The following EPM2A variants were observed in gnomAD, a reference collection of about 807,000 sequenced individuals.
EPM2A encodes laforin.
Under a neutral mutation model 26.5 loss-of-function variants are expected in EPM2A, and 21 were observed. The ratio of observed to expected loss-of-function variants is 0.79; its 90% confidence interval spans 0.56 to 1.14. The LOEUF (loss-of-function observed/expected upper bound fraction) is 1.14, where lower values mean the gene tolerates loss of function less well. Ranked by LOEUF, EPM2A falls within the 50% of genes most tolerant of loss-of-function variation. EPM2A has a pLI of 0.00. For synonymous variants in EPM2A, 217 were observed against 177.6 expected, an observed-to-expected ratio of 1.22 and a Z score of -1.76; for missense variants, 458 against 440.8, an observed-to-expected ratio of 1.04 and a Z score of -0.35.
intron 2 of EPM2A, among the ~76,000 whole-genome samples, chr6:145,525,943 CTT>C (rs1487341528): frequency 6.6e-6 from 1 of 151,980 alleles, no homozygotes; most frequent in Non-Finnish European, 1.5e-5. Context: ...AGAGATGACT[CTT>C]ATTACTTTGA....
At chr6:145,490,860 C>A in intron 4 of EPM2A, 1 of 667,540 alleles carries the variant, frequency 1.5e-6, no homozygotes, top group South Asian at 1.4e-5. Flanking sequence ...CCTTTTCTGT[C>A]ACTTTGATGA....
intron 2 of EPM2A, among the ~76,000 whole-genome samples, chr6:145,606,227 A>C (rs1347066677): frequency 6.6e-6 from 1 of 152,084 alleles, no homozygotes; most frequent in Non-Finnish European, 1.5e-5. Flanking sequence ...CTGTGCATAA[A>C]CTTTTGTAGT....
intron 2 of EPM2A, among the ~76,000 whole-genome samples, chr6:145,509,516 G>A (rs1049763172): frequency 6.6e-6 from 1 of 152,090 alleles, no homozygotes; most frequent in African/African-American, 2.4e-5. Context: ...TACAAATAAA[G>A]TCTTTCCCAG....
chr6:145,393,385 G>A (rs1307718502), intron 4 of EPM2A, among the ~76,000 whole-genome samples: 1 of 151,766 alleles, frequency 6.6e-6, no homozygotes, highest in East Asian at 1.9e-4. Flanking sequence ...TTTTTACAGG[G>A]AAGTCTGTCA....
Position 145,735,239 on chromosome 6 carries a change from T to G in EPM2A, c.260A>C (p.Lys87Thr). 2 of 1,539,934 alleles carry G rather than the reference T, an allele frequency of 1.3e-6. No individual in the cohort carries two copies. The change falls in exon 1 of 4, where the codon AAG becomes ACG. Residue 87 changes from lysine to threonine, a missense_variant. Transcript: ENST00000367519. ...TCCTCCCGGCTCCCGCTTCAGGAAC[T>G]TGTACCAGAACGTGTCCACGCGGCC... is the stretch of plus-strand genomic sequence containing the variant. Reference protein sequence around the residue: ...EPGRVDTFWYKFLKREPGGEL... With the variant: ...EPGRVDTFWYTFLKREPGGEL...
chr6:145,427,827 G>C (rs1778871055), intron 4 of EPM2A, among the ~76,000 whole-genome samples: 1 of 151,826 alleles, frequency 6.6e-6, no homozygotes, highest in Non-Finnish European at 1.5e-5. Context: ...CTTTCTTATT[G>C]TTAGTATTTG....
intron 4 of EPM2A, among the ~76,000 whole-genome samples, chr6:145,455,934 A>G (rs9497309): frequency 0.013 from 2,013 of 152,336 alleles, 37 homozygotes; most frequent in African/African-American, 0.043. Flanking sequence ...AGCAAAATTC[A>G]TGTCTCTACT....
intron 2 of EPM2A, among the ~76,000 whole-genome samples, chr6:145,682,171 G>C (rs544567857): frequency 6.6e-6 from 1 of 152,124 alleles, no homozygotes; most frequent in African/African-American, 2.4e-5. Context: ...AGCAAGTCAC[G>C]TCTTACATGG....
intron 2 of EPM2A, among the ~76,000 whole-genome samples, chr6:145,529,642 C>CT (rs1391844388): frequency 1.3e-5 from 2 of 152,144 alleles, no homozygotes; most frequent in Non-Finnish European, 2.9e-5. Flanking sequence ...GTGTGACTCT[C>CT]TTGTGATATT....
chr6:145,468,368 G>A (rs1010869545), intron 4 of EPM2A, among the ~76,000 whole-genome samples: 2 of 152,028 alleles, frequency 1.3e-5, no homozygotes, highest in Non-Finnish European at 2.9e-5. Context: ...AATACAGTGT[G>A]TTCAACAAAC....
Position 145,625,749 on chromosome 6 carries a change from C to A in EPM2A, c.*1667G>T. The A allele has an allele frequency of 9.9e-7, 1 of 1,007,836 alleles. No individual in the cohort carries two copies. The highest frequency in any genetic ancestry group is 1.3e-5 in the South Asian group (1 of 77,346). The allele number at this position is 1,007,836 out of a possible 1,614,324, so 62.4% of individuals were successfully genotyped here. ...CCTCTGCCCAAAGCAAATGTCATCT[C>A]CCCTAAGTGCCACAGTTCTATCTCC... On this transcript the variant is annotated 3_prime_UTR_variant, in exon 4 of 4. Transcript: ENST00000367519.
intron 4 of EPM2A, among the ~76,000 whole-genome samples, chr6:145,492,725 G>C (rs1779770885): frequency 6.6e-6 from 1 of 152,182 alleles, no homozygotes; most frequent in South Asian, 2.1e-4. Flanking sequence ...TCTGATAGCT[G>C]TCAAGCCATC....
At chr6:145,572,778 G>T (rs1780976470) in intron 2 of EPM2A, among the ~76,000 whole-genome samples, 1 of 152,316 alleles carries the variant, frequency 6.6e-6, no homozygotes, top group African/African-American at 2.4e-5. Context: ...TGGCAGAGCA[G>T]CTTGCACAGC....
chr6:145,539,741 G>A (rs907531545), intron 2 of EPM2A, among the ~76,000 whole-genome samples: 8 of 152,220 alleles, frequency 5.3e-5, no homozygotes, highest in East Asian at 3.9e-4. Flanking sequence ...TTTGTTTTCC[G>A]TATTTTGATG....
intron 1 of EPM2A, among the ~76,000 whole-genome samples, chr6:145,709,032 C>T (rs1782387503): frequency 6.6e-6 from 1 of 152,206 alleles, no homozygotes; most frequent in Admixed American, 6.5e-5. Context: ...TAATTTTGGC[C>T]TATTTCTCCC....
rs147592344 is a variant in EPM2A, at chr6:145,546,035, T to A, written c.341-43460A>T. 1.2e-3 allele frequency among the ~76,000 whole-genome samples: 180 copies of A among 152,260 alleles called. 1 individual carries two copies. The highest frequency in any genetic ancestry group is 2.2e-3 in the Non-Finnish European group (153 of 68,024). On this transcript the variant is annotated intron_variant, in intron 2 of 3. Transcript: ENST00000450221. Reference sequence around the variant, plus strand: ...CTTTAGAGCAACAGAATCAATAGGATATGTAGATGTATATGAGAGGATATT... The same window carrying A: ...CTTTAGAGCAACAGAATCAATAGGAAATGTAGATGTATATGAGAGGATATT...
chr6:145,596,877 C>CTT lies in EPM2A; in HGVS notation c.340+38366_340+38367dup, dbSNP rs869211299. Among the ~76,000 whole-genome samples, 200 of 73,530 alleles carry CTT rather than the reference C, an allele frequency of 2.7e-3. 15 individuals carry two copies. The Middle Eastern group carries it at 0.039, about 15-fold the overall frequency. The allele number at this position is 73,530 out of a possible 152,430, so 48.2% of individuals were successfully genotyped here. ...ACGTTGTATATGCTCTCTCCGAGAT[C>CTT]TTTTTTTTTTTTTTTTTTTTTTTTT... On this transcript the variant is annotated intron_variant, in intron 2 of 3. Coordinates refer to the EPM2A transcript ENST00000450221.
chr6:145,530,330 G>A (rs1486015551), intron 2 of EPM2A, among the ~76,000 whole-genome samples: 1 of 152,090 alleles, frequency 6.6e-6, no homozygotes, highest in African/African-American at 2.4e-5. Flanking sequence ...TGAATTTAAG[G>A]GTTTTAAAGT....
At chr6:145,725,611 G>GA (rs1776164180) in intron 1 of EPM2A, among the ~76,000 whole-genome samples, 2 of 151,836 alleles carry the variant, frequency 1.3e-5, no homozygotes, top group Non-Finnish European at 2.9e-5. Flanking sequence ...TACAGCTACA[G>GA]AAAAAAACAT....
Sources: gnomAD v4.1 joint callset for allele counts (sites outside exome capture counted in the v4.1 genomes callset) on GRCh38, gnomAD v4.1.1 for gene constraint, MANE v1.5 for transcripts, NCBI Gene and HGNC (gene_info 2026-07-23, HGNC 2026-07-21) for gene names.